GRIN3A: variants seen among roughly 807,000 people sequenced by gnomAD.
The protein encoded by GRIN3A is glutamate ionotropic receptor NMDA type subunit 3A, also known as glutamate receptor ionotropic, NMDA 3A.
In GRIN3A, 47 loss-of-function variants were observed where a neutral mutation model predicts 92.4. The observed-to-expected ratio is 0.51, with a 90% CI of 0.40 to 0.65. The LOEUF (loss-of-function observed/expected upper bound fraction) is 0.65. Ranked by LOEUF, GRIN3A falls within the 30% of genes least tolerant of loss-of-function variation. The pLI, the probability that GRIN3A is intolerant of heterozygous loss-of-function variation, is 0.00. For missense variants in GRIN3A, 1,324 were observed against 1,393.1 expected (o/e 0.95, Z 0.79); for synonymous variants, 527 against 540.6 (o/e 0.97, Z 0.35).
intron 3 of GRIN3A, among the ~76,000 whole-genome samples, chr9:101,668,584 T>C (rs1283357052): frequency 6.6e-6 from 1 of 152,108 alleles, no homozygotes; most frequent in Non-Finnish European, 1.5e-5. Context: ...TTTAGGGTGA[T>C]GCATTTATTT....
At position 101,588,170 on chromosome 9, in the gene GRIN3A, T is replaced by C. The variant is rs189473313; in HGVS notation, c.2767-8810A>G. 3.2e-3 allele frequency among the ~76,000 whole-genome samples: 494 copies of C among 152,242 alleles called. 3 individuals carry two copies. Among genetic ancestry groups the C allele is most frequent in the Non-Finnish European group, 6.2e-3 (425 of 68,016 alleles). On this transcript the variant is annotated intron_variant, in intron 6 of 8. Coordinates refer to ENST00000361820, the MANE Select transcript of GRIN3A (RefSeq NM_133445.3). ...TGCAATCATTTGGAATTAAAACATA[T>C]ATATTTAACAAGAATCATGAAGAGG...
rs535048988 is a variant in GRIN3A, at chr9:101,684,829, T to C, written c.1304+1767A>G. On this transcript the variant is annotated intron_variant, in intron 2 of 8. Coordinates refer to ENST00000361820, the MANE Select transcript of GRIN3A (RefSeq NM_133445.3). ...AGGAACTCAATGTAGTTTTCATAAG[T>C]GGTTTTTCCTGGCTGCTGTTTATGA... 2.6e-5 allele frequency among the ~76,000 whole-genome samples: 4 copies of C among 152,336 alleles called. No individual in the cohort carries two copies. The East Asian group carries it at 7.7e-4, about 29-fold the overall frequency.
intron 2 of GRIN3A, among the ~76,000 whole-genome samples, chr9:101,681,164 T>G (rs1310665849): frequency 1.3e-5 from 2 of 152,120 alleles, no homozygotes; most frequent in African/African-American, 2.4e-5. Flanking sequence ...ATTCTCAAAC[T>G]CCTATTCACT....
intron 6 of GRIN3A, among the ~76,000 whole-genome samples, chr9:101,590,375 TATTTATTTATTTA>T (rs1564120196): frequency 2.7e-4 from 40 of 150,584 alleles, no homozygotes; most frequent in African/African-American, 9.5e-4. Flanking sequence ...TTTATTTATT[TATTTATTTATTTA>T]TTTATTTTTT....
chr9:101,662,252 G>C (rs1391363160), intron 3 of GRIN3A, among the ~76,000 whole-genome samples: 1 of 151,722 alleles, frequency 6.6e-6, no homozygotes, highest in Non-Finnish European at 1.5e-5. Context: ...GCTCAGTAAG[G>C]GAATCTTGTC....
In GRIN3A at chr9:101,737,986, G is replaced by C. The variant is rs772679848; in HGVS notation, c.-7C>G. ...ACAAACTCAGTCTCCTCATTACTGA[G>C]ACCCGCAGGGAGAAAGCGCGCCCCC... On this transcript the variant is annotated 5_prime_UTR_variant, in exon 1 of 9. Transcript: ENST00000361820. The C allele has an allele frequency of 2.4e-4, 373 of 1,533,192 alleles. No homozygotes were observed. Among genetic ancestry groups the C allele is most frequent in the Non-Finnish European group, 2.4e-4 (270 of 1,146,154 alleles). The allele number at this position is 1,533,192 out of a possible 1,614,324, so 95.0% of individuals were successfully genotyped here. A position where few individuals can be genotyped will look rare whatever the true frequency, so the allele number is the denominator to read the frequency against.
In GRIN3A at chr9:101,670,464, A is replaced by G; in HGVS notation, c.1948T>C (p.Ser650Pro). 1 of 1,613,994 alleles carries G rather than the reference A, an allele frequency of 6.2e-7. No individual in the cohort carries two copies. Among genetic ancestry groups the G allele is most frequent in the Non-Finnish European group, 8.5e-7 (1 of 1,179,954 alleles). The stretch of plus-strand genomic sequence containing the variant: ...CTCACTAAGATGCCCAAGCTGGTGG[A>G]GAAGAAAGGGCTGGTGAAATCTATC... Reference protein sequence around the residue: ...QVIDFTSPFFSTSLGILVRTR... With the variant: ...QVIDFTSPFFPTSLGILVRTR... Residue 650 changes from serine (S) to proline (P), a missense_variant, in exon 3 of 9, where the codon TCC becomes CCC. By Grantham distance (74) the Ser-to-Pro change is moderately conservative (BLOSUM62 -1). Transcript: ENST00000361820.
intron 1 of GRIN3A, among the ~76,000 whole-genome samples, chr9:101,705,455 A>G (rs1276980589): frequency 1.3e-5 from 2 of 152,154 alleles, no homozygotes. Flanking sequence ...TGCTCAATAA[A>G]GTCTCCACAT....
chr9:101,605,082 G>A (rs545952629), intron 6 of GRIN3A, among the ~76,000 whole-genome samples: 51 of 152,318 alleles, frequency 3.3e-4, no homozygotes, highest in African/African-American at 1.1e-3. Context: ...TCTGTGCCCC[G>A]GGACCCATAT....
At chr9:101,641,792 TA>T (rs10631033) in intron 3 of GRIN3A, among the ~76,000 whole-genome samples, 1,888 of 141,894 alleles carry the variant, frequency 0.013, 19 homozygotes, top group Middle Eastern at 0.029. Context: ...ACAATAAAAT[TA>T]AAAAAAAAAA....
chr9:101,641,283 T>C (rs1828858455), intron 3 of GRIN3A, among the ~76,000 whole-genome samples: 2 of 152,170 alleles, frequency 1.3e-5, no homozygotes, highest in Non-Finnish European at 2.9e-5. Flanking sequence ...ATCCCATTAC[T>C]GGGTATATAC....
rs1377299942 is a variant in GRIN3A, at chr9:101,571,477, C to T, written c.*1697G>A. On this transcript the variant is annotated 3_prime_UTR_variant, in exon 9 of 9. Coordinates refer to ENST00000361820, the MANE Select transcript of GRIN3A (RefSeq NM_133445.3). ...GAAAGTGCTTGGCACAGCTCCTGAA[C>T]TTATTGTAGGCATTCAAATTGGTTG... is the stretch of plus-strand genomic sequence containing the variant. 2 of 152,106 alleles carry T rather than the reference C, an allele frequency of 1.3e-5. No individual in the cohort carries two copies. 9.4% of individuals were successfully genotyped at this position (152,106 alleles called of 1,614,324 possible). A position where few individuals can be genotyped will look rare whatever the true frequency, so the allele number is the denominator to read the frequency against.
intron 1 of GRIN3A, among the ~76,000 whole-genome samples, chr9:101,721,265 C>T (rs1161540145): frequency 2.0e-5 from 3 of 152,238 alleles, no homozygotes; most frequent in African/African-American, 7.2e-5. Context: ...GCTTTTGCTT[C>T]TTCCTCATTT....
At chr9:101,689,342 A>G (rs766850182) in intron 1 of GRIN3A, among the ~76,000 whole-genome samples, 5 of 152,172 alleles carry the variant, frequency 3.3e-5, no homozygotes, top group Non-Finnish European at 7.4e-5. Context: ...AATCAATAAT[A>G]TGGCTTAAGA....
At position 101,570,980 on chromosome 9, in the gene GRIN3A, T is replaced by TCCGGGCTGCACAGAGGTTCAGGGGCA. The variant is rs1827751316; in HGVS notation, c.*2168_*2193dup. 6.6e-6 allele frequency: 1 copy of TCCGGGCTGCACAGAGGTTCAGGGGCA among 152,486 alleles called. No homozygotes were observed. 9.4% of individuals were successfully genotyped at this position (152,486 alleles called of 1,614,324 possible). ...TTGAGGTACACCTGTACATCAGCCTTCCGGGCTGCACAGAGGTTCAGGGGC... is the reference window on the plus strand; with the variant it reads ...TTGAGGTACACCTGTACATCAGCCTTCCGGGCTGCACAGAGGTTCAGGGGCACCGGGCTGCACAGAGGTTCAGGGGC... On this transcript the variant is annotated 3_prime_UTR_variant, in exon 9 of 9. Coordinates refer to ENST00000361820, the MANE Select transcript of GRIN3A (RefSeq NM_133445.3).
intron 3 of GRIN3A, among the ~76,000 whole-genome samples, chr9:101,655,114 A>G (rs1297065468): frequency 6.6e-6 from 1 of 151,954 alleles, no homozygotes; most frequent in East Asian, 1.9e-4. Context: ...ACAGTACTCA[A>G]TGGCTGAAAG....
chr9:101,594,515 G>A, intron 6 of GRIN3A: 1 of 1,614,152 alleles, frequency 6.2e-7, no homozygotes, highest in South Asian at 1.1e-5. Flanking sequence ...GATGATGATG[G>A]TTTTGTCGAC....
chr9:101,710,082 C>A (rs965694959), intron 1 of GRIN3A, among the ~76,000 whole-genome samples: 10 of 151,802 alleles, frequency 6.6e-5, no homozygotes, highest in Admixed American at 6.6e-4. Context: ...TTTTGGGGTC[C>A]GGGAGAAGAA....
intron 2 of GRIN3A, among the ~76,000 whole-genome samples, chr9:101,673,432 A>G (rs1270019513): frequency 6.6e-6 from 1 of 152,126 alleles, no homozygotes. Flanking sequence ...AGAAAATCCA[A>G]TGCTTGTTTC....
Sources: gnomAD v4.1 joint callset for allele counts (sites outside exome capture counted in the v4.1 genomes callset) on GRCh38, gnomAD v4.1.1 for gene constraint, MANE v1.5 for transcripts, NCBI Gene and HGNC (gene_info 2026-07-23, HGNC 2026-07-21) for gene names.